The following ARFGEF2 variants were observed in gnomAD, a reference collection of about 807,000 sequenced individuals.
ARFGEF2 encodes the protein ARF guanine nucleotide exchange factor 2, also known as brefeldin A-inhibited guanine nucleotide-exchange protein 2.
In ARFGEF2, 74 loss-of-function variants were observed where a neutral mutation model predicts 219.9. The ratio of observed to expected loss-of-function variants is 0.34; its 90% CI spans 0.28 to 0.41. ARFGEF2 has a LOEUF of 0.41. Ranked by LOEUF, ARFGEF2 falls within the 10% of genes least tolerant of loss-of-function variation. ARFGEF2 has a pLI of 1.00. For synonymous variants in ARFGEF2, 733 were observed against 799.2 expected (o/e 0.92, Z 1.40); for missense variants, 1,743 against 2,218.3 (o/e 0.79, Z 4.30).
intron 6 of ARFGEF2, among the ~76,000 whole-genome samples, chr20:48,963,194 T>G (rs1034138177): frequency 9.5e-6 from 1 of 105,116 alleles, no homozygotes; most frequent in African/African-American, 4.7e-5. Flanking sequence ...AAAAAAGTAA[T>G]GTTTACTTCT....
At chr20:48,950,991 G>A (rs938396127) in intron 3 of ARFGEF2, among the ~76,000 whole-genome samples, 2 of 151,104 alleles carry the variant, frequency 1.3e-5, no homozygotes, top group African/African-American at 2.4e-5. Context: ...GTCTCCCTAC[G>A]CCGCCCCCCT....
intron 26 of ARFGEF2, among the ~76,000 whole-genome samples, chr20:49,009,802 T>C (rs961953927): frequency 1.2e-4 from 18 of 152,200 alleles, no homozygotes; most frequent in Non-Finnish European, 2.1e-4. Flanking sequence ...AATGATTATC[T>C]CTAGGTGGCA....
In ARFGEF2 at chr20:49,035,864, A is replaced by G; in HGVS notation, c.*2665A>G. On this transcript the variant is annotated 3_prime_UTR_variant, in exon 39 of 39. Coordinates refer to ENST00000371917, the MANE Select transcript of ARFGEF2 (RefSeq NM_006420.3). ...TGGGTAATTTTTATTTCTGATACGC[A>G]TCTTTAGAGTCAAATATATCTTTTC... The G allele has an allele frequency of 3.6e-6, 1 of 274,978 alleles. No individual in the cohort carries two copies. The highest frequency in any genetic ancestry group is 6.7e-6 in the Non-Finnish European group (1 of 149,084). The allele number at this position is 274,978 out of a possible 1,614,324, so 17.0% of individuals were successfully genotyped here. A position where few individuals can be genotyped will look rare whatever the true frequency, so the allele number is the denominator to read the frequency against.
rs1040650174 is a variant in ARFGEF2 at position 49,036,267 on chromosome 20, G to C, written c.*3068G>C. On this transcript the variant is annotated 3_prime_UTR_variant, in exon 39 of 39. Transcript: ENST00000371917. ...TTGTTATCAGCAGCTTTGCAGTTTG[G>C]GAAACAAAGAAACCAAAGCTGAGTG... 4 of 398,130 alleles carry C rather than the reference G, an allele frequency of 1.0e-5. No homozygotes were observed. Among genetic ancestry groups the C allele is most frequent in the African/African-American group, 6.2e-5 (3 of 48,592 alleles). The allele number at this position is 398,130 out of a possible 1,614,324, so 24.7% of individuals were successfully genotyped here.
At chr20:48,951,546 T>C (rs1228461196) in intron 4 of ARFGEF2, 77 bp downstream of exon 4, 4 of 1,590,108 alleles carry the variant, frequency 2.5e-6, no homozygotes, top group Non-Finnish European at 3.5e-6. Flanking sequence ...TCTAATTTAC[T>C]ATGTGTTAGT....
chr20:49,004,352 G>T (rs1486024780), intron 25 of ARFGEF2, among the ~76,000 whole-genome samples: 3 of 151,930 alleles, frequency 2.0e-5, no homozygotes, highest in South Asian at 2.1e-4. Context: ...AACAAGAAAA[G>T]AAAAGAGTTC....
At position 48,988,636 on chromosome 20, in the gene ARFGEF2, C is replaced by T. The variant is rs201993253; in HGVS notation, c.2507C>T (p.Thr836Met). 57 of 1,613,474 alleles carry T rather than the reference C, an allele frequency of 3.5e-5. No homozygotes were observed. The highest frequency in any genetic ancestry group is 6.7e-5 in the East Asian group (3 of 44,808). Residue 836 changes from threonine (T) to methionine (M), a missense_variant, in exon 18 of 39, where the codon ACG (threonine) becomes ATG (methionine). Physicochemically the swap from Thr to Met is moderately conservative, Grantham distance 81. Coordinates refer to ENST00000371917, the MANE Select transcript of ARFGEF2 (RefSeq NM_006420.3). ...GCAATGAAAGAAACAAAAGAGCTAA[C>T]GATTGCAACCAAATCTACTAAGCAG... The part of the protein sequence containing the change: ...KIAMKETKEL[T>M]IATKSTKQNV...
intron 23 of ARFGEF2, 130 bp from the exon 24 acceptor site, chr20:48,998,063 T>G: frequency 1.3e-6 from 1 of 793,870 alleles, no homozygotes; most frequent in Admixed American, 2.0e-5. Context: ...TTTCACCATG[T>G]TGGCCAGGCT....
At chr20:48,980,463 T>G (rs2091288263) in intron 14 of ARFGEF2, among the ~76,000 whole-genome samples, 1 of 152,190 alleles carries the variant, frequency 6.6e-6, no homozygotes, top group South Asian at 2.1e-4. Context: ...ATTCTGTTGG[T>G]TTGGGGTGGA....
At chr20:48,970,751 C>T (rs545523410) in intron 9 of ARFGEF2, among the ~76,000 whole-genome samples, 9 of 152,308 alleles carry the variant, frequency 5.9e-5, no homozygotes, top group Middle Eastern at 3.4e-3. Flanking sequence ...GGATAAAGAG[C>T]GCCATCTTCA....
intron 36 of ARFGEF2, among the ~76,000 whole-genome samples, chr20:49,027,242 C>G (rs1381404159): frequency 6.6e-6 from 1 of 152,034 alleles, no homozygotes; most frequent in Non-Finnish European, 1.5e-5. Context: ...CGCACCACCA[C>G]GCCAGTGGTC....
chr20:48,973,563 A>C (rs2091241687), intron 12 of ARFGEF2, among the ~76,000 whole-genome samples: 1 of 152,204 alleles, frequency 6.6e-6, no homozygotes, highest in African/African-American at 2.4e-5. Context: ...ATCCCTTAGA[A>C]GGTGACCTTT....
intron 14 of ARFGEF2, among the ~76,000 whole-genome samples, chr20:48,983,816 C>T (rs529990287): frequency 5.7e-4 from 87 of 152,284 alleles, no homozygotes; most frequent in African/African-American, 2.0e-3. Context: ...TCTTTCATGA[C>T]GCTTGCCAGT....
At chr20:49,026,343 G>A (rs1276133179) in intron 36 of ARFGEF2, among the ~76,000 whole-genome samples, 2 of 151,612 alleles carry the variant, frequency 1.3e-5, no homozygotes, top group Non-Finnish European at 2.9e-5. Flanking sequence ...AAAAAAAAAA[G>A]AAATTTTACA....
rs1286450285 is a variant in ARFGEF2 at position 48,935,929 on chromosome 20, C to T, written c.122-5270C>T. Among the ~76,000 whole-genome samples the T allele has an allele frequency of 1.5e-4, 15 of 98,526 alleles. No individual in the cohort carries two copies. In the East Asian group the frequency reaches 3.3e-3, roughly 22 times the overall value. 64.6% of individuals were successfully genotyped at this position (98,526 alleles called of 152,430 possible). ...GGCACCCCTCACTTCCCGCATGGGGCGGCTGGCCGGGGGGGGGGGCTGACC... is the reference window on the plus strand; with the variant it reads ...GGCACCCCTCACTTCCCGCATGGGGTGGCTGGCCGGGGGGGGGGGCTGACC... On this transcript the variant is annotated intron_variant, in intron 1 of 38. Coordinates refer to ENST00000371917, the MANE Select transcript of ARFGEF2 (RefSeq NM_006420.3).
intron 26 of ARFGEF2, among the ~76,000 whole-genome samples, chr20:49,008,370 C>G (rs1235898125): frequency 6.6e-6 from 1 of 151,904 alleles, no homozygotes; most frequent in Admixed American, 6.6e-5. Flanking sequence ...CGAGACCAGC[C>G]TGGCCAACAT....
At chr20:48,947,170 G>A (rs1183069630) in intron 3 of ARFGEF2, among the ~76,000 whole-genome samples, 2 of 151,294 alleles carry the variant, frequency 1.3e-5, no homozygotes, top group Admixed American at 6.6e-5. Flanking sequence ...AGGCCGAGAC[G>A]GGCAGATTGC....
At chr20:49,001,113 G>A (rs955940595) in intron 25 of ARFGEF2, among the ~76,000 whole-genome samples, 1 of 145,522 alleles carries the variant, frequency 6.9e-6, no homozygotes, top group Non-Finnish European at 1.5e-5. Context: ...CAGGCTGGAC[G>A]GCAGTAGCTT....
At chr20:48,951,605 G>A (rs1424594116) in intron 4 of ARFGEF2, 136 bp downstream of exon 4, 9 of 1,221,336 alleles carry the variant, frequency 7.4e-6, no homozygotes, top group Non-Finnish European at 1.1e-5. Flanking sequence ...GCGTCACTTA[G>A]ATCTTTTGTT....
Sources: allele counts gnomAD v4.1 joint callset (sites outside exome capture counted in the v4.1 genomes callset), GRCh38; gene constraint gnomAD v4.1.1; transcripts MANE v1.5; gene names NCBI Gene and HGNC (gene_info 2026-07-23, HGNC 2026-07-21).